The following TTC14 variants were observed in gnomAD, a reference collection of about 807,000 sequenced individuals.
TTC14 encodes tetratricopeptide repeat domain 14.
Under a neutral mutation model 79.9 loss-of-function variants are expected in TTC14, and 63 were observed. The ratio of observed to expected loss-of-function variants is 0.79; its 90% CI spans 0.64 to 0.97. The LOEUF (loss-of-function observed/expected upper bound fraction) is 0.97. Among genes scored for constraint, TTC14 ranks in the 50% least tolerant of loss-of-function variants. The pLI, the probability that TTC14 is intolerant of heterozygous loss-of-function variation, is 0.00. For synonymous variants in TTC14, 335 were observed against 309.6 expected, an observed-to-expected ratio of 1.08 and a Z score of -0.86; for missense variants, 895 against 894.0, an observed-to-expected ratio of 1.00 and a Z score of -0.01.
intron 1 of TTC14, chr3:180,602,639 G>A: frequency 1.4e-6 from 1 of 718,680 alleles, no homozygotes; most frequent in Non-Finnish European, 2.2e-6. Context: ...GCTTGGTAGA[G>A]GCGCAGATTC....
chr3:180,607,836 G>A, intron 10 of TTC14, 71 bp downstream of exon 10: 1 of 1,583,898 alleles, frequency 6.3e-7, no homozygotes, highest in Non-Finnish European at 8.5e-7. Flanking sequence ...TTCTCCTGAG[G>A]AAAACTATTC....
At chr3:180,611,716 G>A (rs2108400517), downstream of TTC14, among the ~76,000 whole-genome samples, 1 of 152,268 alleles carries the variant, frequency 6.6e-6, no homozygotes, top group Non-Finnish European at 1.5e-5. Context: ...AGAGTTTGCA[G>A]TTTAAGATTC....
rs750086296 is a variant in TTC14, at chr3:180,616,555, ATTTTC to A, written c.1775-822_1775-818del. On this transcript the variant is annotated intron_variant, in intron 12 of 12. Coordinates refer to the TTC14 transcript ENST00000382584. ...TTTGAAGGATAATACGGATCTCAGT[ATTTTC>A]TTCTATGATATCAACTAACATTTCA... The A allele has an allele frequency of 1.9e-6, 3 of 1,593,866 alleles. No homozygotes were observed. The highest frequency in any genetic ancestry group is 1.3e-5 in the African/African-American group (1 of 74,194).
intron 10 of TTC14, 145 bp from the exon 11 acceptor site, chr3:180,608,555 TA>T (rs1029726559): frequency 5.5e-6 from 7 of 1,266,366 alleles, no homozygotes; most frequent in Non-Finnish European, 7.0e-6. Context: ...TTTTTTATGT[TA>T]AAAAAATACT....
chr3:180,605,199 A>T (rs1716608342), intron 6 of TTC14, 192 bp downstream of exon 6: 1 of 436,418 alleles, frequency 2.3e-6, no homozygotes, highest in East Asian at 3.5e-5. Context: ...TGTACCATGT[A>T]ACCAAGTAGA....
chr3:180,602,670 G>A (rs1049661799), intron 1 of TTC14: 5 of 710,864 alleles, frequency 7.0e-6, no homozygotes, highest in Non-Finnish European at 1.1e-5. Flanking sequence ...AATCCCTTGA[G>A]CTTTCCTATC....
chr3:180,602,443 C>T (rs1200499678), intron 1 of TTC14, 21 bp downstream of exon 1: 3 of 1,585,850 alleles, frequency 1.9e-6, no homozygotes, highest in Non-Finnish European at 1.7e-6. Context: ...GTTGGTGCCA[C>T]TGCGCCACGG....
intron 10 of TTC14, chr3:180,608,419 T>C: frequency 9.9e-7 from 1 of 1,009,414 alleles, no homozygotes. Context: ...TAACCTTTCT[T>C]GCACTCTGGG....
chr3:180,602,588 T>TAA (rs898040991), intron 1 of TTC14, 166 bp downstream of exon 1: 2 of 950,016 alleles, frequency 2.1e-6, no homozygotes, highest in African/African-American at 3.3e-5. Flanking sequence ...GCTCCTGGGT[T>TAA]GTGCAATGCG....
intron 6 of TTC14, chr3:180,605,562 T>C (rs2108392877): frequency 2.3e-6 from 1 of 439,428 alleles, no homozygotes; most frequent in East Asian, 5.1e-5. Context: ...ATTACAGGCG[T>C]GAGCCACCGC....
intron 11 of TTC14, 34 bp downstream of exon 11, chr3:180,608,844 G>A: frequency 7.1e-7 from 1 of 1,417,518 alleles, no homozygotes; most frequent in Non-Finnish European, 9.2e-7. Context: ...TTAAACTTAA[G>A]GCAACTACTG....
At chr3:180,605,977 A>G (rs1716660676) in intron 7 of TTC14, 140 bp downstream of exon 7, 5 of 925,398 alleles carry the variant, frequency 5.4e-6, no homozygotes, top group Non-Finnish European at 6.6e-6. Flanking sequence ...TCTTTTATAG[A>G]TGTAAGTAGT....
In TTC14 at chr3:180,602,312, G is replaced by A. The variant is rs374582072; in HGVS notation, c.51G>A (p.Leu17=). Residue 17 remains leucine, a synonymous_variant, in exon 1 of 12, where the codon TTG becomes TTA. Coordinates refer to ENST00000296015, the MANE Select transcript of TTC14 (RefSeq NM_133462.4). ...RQSLNCHGSS[L]LSLLRSEQQD... The stretch of plus-strand genomic sequence containing the variant: ...CGCTAAATTGCCACGGGTCGTCTTT[G>A]CTCTCTCTACTTCGGAGCGAACAGC... The A allele has an allele frequency of 3.1e-6, 5 of 1,613,844 alleles. No individual in the cohort carries two copies. Among genetic ancestry groups the A allele is most frequent in the African/African-American group, 2.7e-5 (2 of 75,036 alleles).
chr3:180,611,204 C>T, downstream of TTC14: 1 of 979,922 alleles, frequency 1.0e-6, no homozygotes, highest in Non-Finnish European at 1.2e-6. Context: ...TTGCTTATTT[C>T]TCCATTATTT....
rs1716896260 is a variant in TTC14 at position 180,609,874 on chromosome 3, A to C, written c.1645A>C (p.Asn549His). ...AGCTAATACTTCAGCATCTTTTCTT[A>C]ACCATAAACAAGAAGTGGAGAAACT... is the stretch of plus-strand genomic sequence containing the variant. ...VPANTSASFL[N>H]HKQEVEKLLG... is the part of the protein sequence containing the mutation. Residue 549 changes from asparagine to histidine, a missense_variant, in exon 12 of 12, where the codon AAC becomes CAC. Asn to His is a moderately conservative substitution (Grantham distance 68, BLOSUM62 1). Coordinates refer to ENST00000296015, the MANE Select transcript of TTC14 (RefSeq NM_133462.4). 5.0e-6 allele frequency: 8 copies of C among 1,613,848 alleles called. No homozygotes were observed. The highest frequency in any genetic ancestry group is 6.8e-6 in the Non-Finnish European group (8 of 1,179,898).
chr3:180,618,221 T>A (rs192541317), downstream of TTC14, among the ~76,000 whole-genome samples: 6 of 152,304 alleles, frequency 3.9e-5, no homozygotes, highest in Admixed American at 3.3e-4. Flanking sequence ...TTCCCATTGT[T>A]ATCCAATGCA....
rs1472612405 is a variant in TTC14 at position 180,606,593 on chromosome 3, AGAG to A, written c.1168_1170del (p.Gly390del). On this transcript the variant is annotated inframe_deletion, in exon 9 of 12. Coordinates refer to ENST00000296015, the MANE Select transcript of TTC14 (RefSeq NM_133462.4). ...ATACCTCTGCCAGACACTTGTAGAG[AGAG>A]GAGGACAGTAAGTATCAGATTTTGT... 1.9e-6 allele frequency: 3 copies of A among 1,612,398 alleles called. No individual in the cohort carries two copies. Among genetic ancestry groups the A allele is most frequent in the Admixed American group, 1.7e-5 (1 of 59,744 alleles).
Position 180,610,368 on chromosome 3 carries a change from AAG to A in TTC14, c.2144_2145del (p.Glu715GlyfsTer19), listed in dbSNP as rs747331951. On this transcript the variant is annotated frameshift_variant, in exon 12 of 12. Transcript: ENST00000296015. LOFTEE classifies it high-confidence loss of function. ...RLNTNQGEYEREDNYGEDIKT... is the reference protein window; with the variant it reads ...RLNTNQGEYEXEDNYGEDIKT... ...TAAATACAAATCAAGGAGAATATGA[AAG>A]AGAGGACAATTATGGGGAGGATATC... The A allele has an allele frequency of 6.2e-7, 1 of 1,613,742 alleles. No homozygotes were observed.
downstream of TTC14, among the ~76,000 whole-genome samples, chr3:180,612,710 T>C (rs980580438): frequency 6.6e-6 from 1 of 152,142 alleles, no homozygotes; most frequent in Non-Finnish European, 1.5e-5. Context: ...GCACTCCAAC[T>C]TGGGTGACAG....
Sources: allele counts gnomAD v4.1 joint callset (sites outside exome capture counted in the v4.1 genomes callset), GRCh38; gene constraint gnomAD v4.1.1; transcripts MANE v1.5; gene names NCBI Gene and HGNC (gene_info 2026-07-23, HGNC 2026-07-21).